The following PDE1A variants were observed in gnomAD, a reference collection of about 807,000 sequenced individuals.
PDE1A encodes the protein phosphodiesterase 1A.
A neutral mutation model predicts 61.7 loss-of-function variants in PDE1A; 35 were observed. That is an observed-to-expected ratio of 0.57 (90% confidence interval 0.43 to 0.75). The LOEUF is 0.75. Among genes scored for constraint, PDE1A ranks in the 30% least tolerant of loss-of-function variants. The probability of loss-of-function intolerance (pLI) is 0.00; values close to 1 mark genes in which losing one functional copy is unlikely to be tolerated. For missense variants in PDE1A, 597 were observed against 630.6 expected, an observed-to-expected ratio of 0.95 and a Z score of 0.57; for synonymous variants, 232 against 213.2, an observed-to-expected ratio of 1.09 and a Z score of -0.77.
At chr2:182,197,455 T>C (rs1032758498) in intron 10 of PDE1A, among the ~76,000 whole-genome samples, 3 of 151,632 alleles carry the variant, frequency 2.0e-5, no homozygotes, top group Non-Finnish European at 4.4e-5. Flanking sequence ...TTATGTGTCT[T>C]CTCTAAGAAA....
intron 2 of PDE1A, among the ~76,000 whole-genome samples, chr2:182,458,538 T>C (rs1471448446): frequency 2.0e-5 from 3 of 152,060 alleles, no homozygotes; most frequent in Admixed American, 6.6e-5. Context: ...ATTTTATAGC[T>C]GGTGTTAATT....
chr2:182,307,003 G>A (rs903109208), intron 1 of PDE1A, among the ~76,000 whole-genome samples: 2 of 152,152 alleles, frequency 1.3e-5, no homozygotes, highest in Admixed American at 1.3e-4. Context: ...TTAGCAGAGT[G>A]AAGAGAGAAC....
chr2:182,329,873 G>GT (rs1287547453), intron 1 of PDE1A, among the ~76,000 whole-genome samples: 2 of 152,206 alleles, frequency 1.3e-5, no homozygotes, highest in African/African-American at 4.8e-5. Flanking sequence ...CACAACGAAA[G>GT]TTCCATGAAA....
chr2:182,146,564 A>C (rs918139443), downstream of PDE1A, among the ~76,000 whole-genome samples: 2 of 152,106 alleles, frequency 1.3e-5, no homozygotes, highest in Non-Finnish European at 1.5e-5. Flanking sequence ...CGCTCACTGC[A>C]ACCTTTGCTT....
In PDE1A at chr2:182,241,809, G is replaced by T; in HGVS notation, c.168-1517C>A. 3 of 1,519,746 alleles carry T rather than the reference G, an allele frequency of 2.0e-6. No homozygotes were observed. In the South Asian group the frequency reaches 3.6e-5, roughly 18 times the overall value. The allele number at this position is 1,519,746 out of a possible 1,614,324, so 94.1% of individuals were successfully genotyped here. A position where few individuals can be genotyped will look rare whatever the true frequency, so the allele number is the denominator to read the frequency against. Reference sequence around the variant, plus strand: ...ATACTGATTAATACTTACTCTATATGATTTTTAACTTTCTTTCTGATCTGA... The same window carrying T: ...ATACTGATTAATACTTACTCTATATTATTTTTAACTTTCTTTCTGATCTGA... On this transcript the variant is annotated intron_variant, in intron 2 of 13. Coordinates refer to ENST00000351439, the Ensembl canonical transcript of PDE1A.
At chr2:182,209,846 C>T (rs897901221) in intron 7 of PDE1A, among the ~76,000 whole-genome samples, 1 of 152,098 alleles carries the variant, frequency 6.6e-6, no homozygotes, top group Non-Finnish European at 1.5e-5. Context: ...TCAATTGAAC[C>T]TCTTTTCTTT....
chr2:182,411,371 G>C (rs73045422), intron 1 of PDE1A, among the ~76,000 whole-genome samples: 8,833 of 152,146 alleles, frequency 0.058, 833 homozygotes, highest in African/African-American at 0.2. Flanking sequence ...CTGCTGTATA[G>C]CATTCCACAC....
chr2:182,661,818 A>G, the PDE1A span, among the ~76,000 whole-genome samples: 1 of 152,174 alleles, frequency 6.6e-6, no homozygotes, highest in African/African-American at 2.4e-5. Flanking sequence ...CGAAAATGTC[A>G]GGTACCTAGA....
the PDE1A span, among the ~76,000 whole-genome samples, chr2:182,703,432 G>T: frequency 9.2e-5 from 14 of 152,184 alleles, no homozygotes; most frequent in Non-Finnish European, 1.6e-4. Flanking sequence ...TTGCTGAATG[G>T]CATAAGGGAA....
downstream of PDE1A, among the ~76,000 whole-genome samples, chr2:182,145,901 G>A (rs1023420601): frequency 5.3e-5 from 8 of 152,172 alleles, no homozygotes; most frequent in East Asian, 1.2e-3. Flanking sequence ...TTTTAAAAGC[G>A]AATCACATTT....
chr2:182,267,990 CAA>C (rs1198715184), intron 1 of PDE1A, among the ~76,000 whole-genome samples: 3 of 151,950 alleles, frequency 2.0e-5, no homozygotes, highest in African/African-American at 7.3e-5. Flanking sequence ...ATTTTATGCA[CAA>C]AGTCATGTGC....
chr2:182,201,814 G>T (rs774616545), intron 8 of PDE1A, 25 bp from the exon 9 acceptor site: 2 of 1,415,526 alleles, frequency 1.4e-6, no homozygotes, highest in Non-Finnish European at 2.0e-6. Flanking sequence ...AAAGGAGAAA[G>T]GTTCATTCAG....
intron 2 of PDE1A, among the ~76,000 whole-genome samples, chr2:182,484,020 C>G (rs1474245947): frequency 4.6e-5 from 7 of 151,726 alleles, no homozygotes; most frequent in South Asian, 2.1e-4. Context: ...ATGAAATGGA[C>G]AAATTCATTA....
chr2:182,452,625 G>A (rs1353656561), intron 2 of PDE1A, among the ~76,000 whole-genome samples: 1 of 152,162 alleles, frequency 6.6e-6, no homozygotes, highest in East Asian at 1.9e-4. Context: ...GGAACAGATT[G>A]TTGCAATGAA....
chr2:182,592,872 T>C, the PDE1A span, among the ~76,000 whole-genome samples: 4 of 152,124 alleles, frequency 2.6e-5, no homozygotes, highest in Admixed American at 6.5e-5. Flanking sequence ...CTCTGGACAG[T>C]GTACTTGAAT....
the PDE1A span, among the ~76,000 whole-genome samples, chr2:182,711,054 C>T: frequency 1.3e-5 from 2 of 152,170 alleles, no homozygotes; most frequent in African/African-American, 4.8e-5. Flanking sequence ...AGAAGAGAGG[C>T]TGAGCAGTGT....
At chr2:182,508,450 G>A (rs942907406) in intron 2 of PDE1A, among the ~76,000 whole-genome samples, 17 of 151,624 alleles carry the variant, frequency 1.1e-4, no homozygotes, top group Admixed American at 9.9e-4. Flanking sequence ...AAAGGTAAAA[G>A]TGGTTTACAA....
At chr2:182,471,283 G>A (rs943327775) in intron 2 of PDE1A, among the ~76,000 whole-genome samples, 5 of 151,690 alleles carry the variant, frequency 3.3e-5, no homozygotes, top group African/African-American at 1.2e-4. Context: ...TCAGGCAGAT[G>A]AAAAATATGA....
At chr2:182,443,360 T>G (rs1452756264) in intron 2 of PDE1A, among the ~76,000 whole-genome samples, 1 of 152,096 alleles carries the variant, frequency 6.6e-6, no homozygotes, top group African/African-American at 2.4e-5. Context: ...TAATATAGTC[T>G]GGCTATGATA....
Sources: gnomAD v4.1 joint callset for allele counts (sites outside exome capture counted in the v4.1 genomes callset) on GRCh38, gnomAD v4.1.1 for gene constraint, MANE v1.5 for transcripts, NCBI Gene and HGNC (gene_info 2026-07-23, HGNC 2026-07-21) for gene names.